SMYD3: variants seen among roughly 807,000 people sequenced by gnomAD.
SMYD3 encodes SET and MYND domain containing 3, also known as histone-lysine N-methyltransferase SMYD3.
Under a neutral mutation model 57.7 loss-of-function variants are expected in SMYD3, and 36 were observed. That is an observed-to-expected ratio of 0.62 (90% CI 0.48 to 0.82). SMYD3 has a LOEUF of 0.82. Among genes scored for constraint, SMYD3 ranks in the 40% least tolerant of loss-of-function variants. The probability of loss-of-function intolerance (pLI) is 0.00; values close to 1 mark genes in which losing one functional copy is unlikely to be tolerated. For missense variants in SMYD3, 515 were observed against 538.8 expected (o/e 0.96, Z 0.44); for synonymous variants, 211 against 195.0 (o/e 1.08, Z -0.68).
At chr1:245,895,127 C>T (rs2053677860) in intron 8 of SMYD3, among the ~76,000 whole-genome samples, 1 of 152,150 alleles carries the variant, frequency 6.6e-6, no homozygotes, top group African/African-American at 2.4e-5. Context: ...AGCAACACTG[C>T]AGACGGGATT....
intron 10 of SMYD3, among the ~76,000 whole-genome samples, chr1:245,787,190 G>C (rs1157198478): frequency 6.6e-6 from 1 of 152,192 alleles, no homozygotes; most frequent in Admixed American, 6.5e-5. Flanking sequence ...TTTACAGTTG[G>C]AAGCAGATTC....
At chr1:245,850,616 A>G (rs9660048) in intron 10 of SMYD3, among the ~76,000 whole-genome samples, 152,285 of 152,336 alleles carry the variant, frequency 1, 76,117 homozygotes, top group Middle Eastern at 1. Flanking sequence ...TGGGAGGAAC[A>G]CTTGAGCCCA....
At chr1:246,420,194 C>T (rs2067122131) in intron 1 of SMYD3, among the ~76,000 whole-genome samples, 1 of 139,828 alleles carries the variant, frequency 7.2e-6, no homozygotes, top group Non-Finnish European at 1.5e-5. Flanking sequence ...GCAAGACTGT[C>T]TCAAAAAAAA....
At chr1:245,924,681 G>C (rs1306452434) in intron 7 of SMYD3, among the ~76,000 whole-genome samples, 3 of 95,366 alleles carry the variant, frequency 3.1e-5, no homozygotes, top group Non-Finnish European at 5.8e-5. Context: ...TTTTTTTTCT[G>C]AGATGGAGTT....
rs186620631 is a variant in SMYD3, at chr1:245,984,712, C to T, written c.532-54775G>A. Among the ~76,000 whole-genome samples, 15 of 152,304 alleles carry T rather than the reference C, an allele frequency of 9.8e-5. No individual in the cohort carries two copies. In the East Asian group the frequency reaches 2.5e-3, roughly 25 times the overall value. On this transcript the variant is annotated intron_variant, in intron 5 of 11. Coordinates refer to ENST00000490107, the MANE Select transcript of SMYD3 (RefSeq NM_001167740.2). ...ATCTAAGACCTGCTACACTGATTAT[C>T]CTCTCATCCTACATTTTTGAGTCTC... is the stretch of plus-strand genomic sequence containing the variant.
intron 1 of SMYD3, among the ~76,000 whole-genome samples, chr1:246,389,956 T>C (rs1422404769): frequency 6.6e-6 from 1 of 152,148 alleles, no homozygotes; most frequent in Non-Finnish European, 1.5e-5. Context: ...TGGGGCTGTC[T>C]GCAAAAGCCA....
At chr1:246,266,985 G>A (rs2064122092) in intron 5 of SMYD3, among the ~76,000 whole-genome samples, 1 of 151,024 alleles carries the variant, frequency 6.6e-6, no homozygotes, top group Non-Finnish European at 1.5e-5. Context: ...AAATCTTATT[G>A]AGGCAATTTT....
chr1:245,846,806 C>T (rs994379659), intron 10 of SMYD3, among the ~76,000 whole-genome samples: 14 of 152,222 alleles, frequency 9.2e-5, no homozygotes. Flanking sequence ...CTGGCAGATG[C>T]TTTTATGATT....
intron 10 of SMYD3, among the ~76,000 whole-genome samples, chr1:245,769,683 G>A (rs755363659): frequency 2.6e-5 from 4 of 152,094 alleles, no homozygotes; most frequent in Non-Finnish European, 4.4e-5. Flanking sequence ...ATGGCATTGC[G>A]CATGGAAGAA....
At chr1:246,284,006 T>C (rs1315750281) in intron 5 of SMYD3, among the ~76,000 whole-genome samples, 1 of 152,172 alleles carries the variant, frequency 6.6e-6, no homozygotes, top group Non-Finnish European at 1.5e-5. Context: ...ACAAGGTAAA[T>C]TACTCATGAA....
At chr1:246,319,346 C>T (rs769996940) in intron 5 of SMYD3, among the ~76,000 whole-genome samples, 3 of 152,112 alleles carry the variant, frequency 2.0e-5, no homozygotes, top group Admixed American at 6.5e-5. Context: ...ACAAGCACCC[C>T]GGTGACTGGA....
chr1:246,051,341 G>A (rs1421680796), intron 5 of SMYD3, among the ~76,000 whole-genome samples: 1 of 151,734 alleles, frequency 6.6e-6, no homozygotes, highest in Non-Finnish European at 1.5e-5. Flanking sequence ...GGATGGTCTC[G>A]AACTCCTGAG....
chr1:246,066,769 G>A (rs2060347496), intron 5 of SMYD3, among the ~76,000 whole-genome samples: 1 of 152,126 alleles, frequency 6.6e-6, no homozygotes, highest in African/African-American at 2.4e-5. Context: ...CCTCAGGGTG[G>A]GCCGGGCAGA....
At chr1:245,970,782 A>C (rs1428279118) in intron 5 of SMYD3, among the ~76,000 whole-genome samples, 3 of 152,346 alleles carry the variant, frequency 2.0e-5, no homozygotes, top group Non-Finnish European at 4.4e-5. Context: ...GTGATCATTA[A>C]AAAGTAGGGA....
In SMYD3 at chr1:246,054,047, T is replaced by C. The variant is rs187334668; in HGVS notation, c.532-124110A>G. Among the ~76,000 whole-genome samples, 678 of 152,262 alleles carry C rather than the reference T, an allele frequency of 4.5e-3. 8 individuals carry two copies. The highest frequency in any genetic ancestry group is 0.015 in the African/African-American group (615 of 41,550). On this transcript the variant is annotated intron_variant, in intron 5 of 11. Transcript: ENST00000490107. Reference sequence around the variant, plus strand: ...ATATCTGACCCAGGACTTGTATCCATGTCATATAAAGAACTCTTACAACTC... The same window carrying C: ...ATATCTGACCCAGGACTTGTATCCACGTCATATAAAGAACTCTTACAACTC...
chr1:246,167,100 G>A (rs1223021179), intron 5 of SMYD3, among the ~76,000 whole-genome samples: 1 of 152,188 alleles, frequency 6.6e-6, no homozygotes, highest in African/African-American at 2.4e-5. Context: ...ACCCGTGCTG[G>A]AGCATGTATG....
intron 2 of SMYD3, among the ~76,000 whole-genome samples, chr1:246,350,669 C>T (rs79608960): frequency 6.6e-6 from 1 of 152,246 alleles, no homozygotes; most frequent in East Asian, 1.9e-4. Flanking sequence ...CAGATTTACA[C>T]GTTACACCAG....
intron 9 of SMYD3, among the ~76,000 whole-genome samples, chr1:245,859,919 C>A (rs1220568193): frequency 6.6e-6 from 1 of 152,072 alleles, no homozygotes; most frequent in Non-Finnish European, 1.5e-5. Context: ...CTCACGTCAA[C>A]GTAAGAATGA....
chr1:246,432,230 C>G (rs2067308123), intron 1 of SMYD3, among the ~76,000 whole-genome samples: 1 of 152,182 alleles, frequency 6.6e-6, no homozygotes, highest in African/African-American at 2.4e-5. Context: ...AACACAATTT[C>G]TAATTATATC....
Sources: gnomAD v4.1 joint callset for allele counts (sites outside exome capture counted in the v4.1 genomes callset) on GRCh38, gnomAD v4.1.1 for gene constraint, MANE v1.5 for transcripts, NCBI Gene and HGNC (gene_info 2026-07-23, HGNC 2026-07-21) for gene names.